The following PCNX1 variants were observed in gnomAD, a reference collection of about 807,000 sequenced individuals.
PCNX1 encodes pecanex 1.
Under a neutral mutation model 242.2 loss-of-function variants are expected in PCNX1, and 78 were observed. That is an observed-to-expected ratio of 0.32 (90% CI 0.27 to 0.39). The LOEUF (loss-of-function observed/expected upper bound fraction) is 0.39, where lower values mean the gene tolerates loss of function less well. Among genes scored for constraint, PCNX1 ranks in the 10% least tolerant of loss-of-function variants. The pLI, the probability that PCNX1 is intolerant of heterozygous loss-of-function variation, is 1.00. For synonymous variants in PCNX1, 1,024 were observed against 1,032.9 expected, an observed-to-expected ratio of 0.99 and a Z score of 0.17; for missense variants, 2,581 against 2,856.5, an observed-to-expected ratio of 0.90 and a Z score of 2.20.
intron 28 of PCNX1, among the ~76,000 whole-genome samples, chr14:71,081,511 G>T (rs1318078582): frequency 6.6e-6 from 1 of 152,088 alleles, no homozygotes; most frequent in Non-Finnish European, 1.5e-5. Context: ...GCTTTTTTTG[G>T]TTGGTAGGCT....
chr14:71,028,310 T>G (rs1017509870), intron 15 of PCNX1, among the ~76,000 whole-genome samples: 2 of 152,014 alleles, frequency 1.3e-5, no homozygotes, highest in African/African-American at 4.8e-5. Flanking sequence ...CAGGTTCTGT[T>G]TACATAGATA....
intron 2 of PCNX1, among the ~76,000 whole-genome samples, chr14:70,957,268 A>G (rs35141578): frequency 0.028 from 4,320 of 152,234 alleles, 101 homozygotes; most frequent in Non-Finnish European, 0.04. Context: ...GATTACAGGC[A>G]TGAACCACAC....
chr14:70,991,198 A>G (rs2059153562), intron 7 of PCNX1, among the ~76,000 whole-genome samples: 1 of 143,502 alleles, frequency 7.0e-6, no homozygotes, highest in South Asian at 2.2e-4. Flanking sequence ...GATGTTGTGT[A>G]CTACCTTTTT....
chr14:71,023,327 G>C, intron 13 of PCNX1, 95 bp downstream of exon 13: 1 of 876,726 alleles, frequency 1.1e-6, no homozygotes. Flanking sequence ...TGTTTGGAAT[G>C]CATCAGCCTG....
At chr14:70,984,315 A>G (rs369552688) in intron 6 of PCNX1, among the ~76,000 whole-genome samples, 13 of 151,630 alleles carry the variant, frequency 8.6e-5, no homozygotes, top group African/African-American at 2.9e-4. Flanking sequence ...GATGCCAACC[A>G]TAGCAGTACA....
chr14:71,013,754 C>T (rs2059886608), intron 11 of PCNX1, among the ~76,000 whole-genome samples: 1 of 152,146 alleles, frequency 6.6e-6, no homozygotes, highest in Admixed American at 6.5e-5. Context: ...GAGATGACAA[C>T]AAATAACATG....
intron 30 of PCNX1, among the ~76,000 whole-genome samples, chr14:71,099,047 C>T (rs2141788805): frequency 6.6e-6 from 1 of 152,238 alleles, no homozygotes; most frequent in Non-Finnish European, 1.5e-5. Context: ...AAAAGTCATT[C>T]ACAAGAAAGT....
chr14:71,031,785 G>A (rs2140927714), intron 16 of PCNX1: 1 of 1,458,132 alleles, frequency 6.9e-7, no homozygotes, highest in East Asian at 2.3e-5. Context: ...CTTCCTACCA[G>A]TGCAGGGAGC....
At chr14:70,974,263 A>ATTTTT (rs2058628778) in intron 5 of PCNX1, among the ~76,000 whole-genome samples, 1 of 102,638 alleles carries the variant, frequency 9.7e-6, no homozygotes, top group African/African-American at 3.9e-5. Flanking sequence ...TTTTTTTTTG[A>ATTTTT]GAGGGAGTCT....
intron 24 of PCNX1, among the ~76,000 whole-genome samples, chr14:71,052,215 T>A (rs2061055980): frequency 6.6e-6 from 1 of 151,426 alleles, no homozygotes; most frequent in Non-Finnish European, 1.5e-5. Context: ...TTTCTTTCTT[T>A]CCTTTTTTTT....
chr14:70,935,311 T>C (rs911012060), intron 1 of PCNX1, among the ~76,000 whole-genome samples: 2 of 152,050 alleles, frequency 1.3e-5, no homozygotes, highest in African/African-American at 2.4e-5. Flanking sequence ...CTTTGCAAGG[T>C]TGAGGTGGGA....
At chr14:71,000,018 A>G (rs1355731061) in intron 8 of PCNX1, among the ~76,000 whole-genome samples, 5 of 152,198 alleles carry the variant, frequency 3.3e-5, no homozygotes, top group African/African-American at 1.2e-4. Context: ...AAAAAGTTAC[A>G]TCCTTTTGCA....
At chr14:70,973,343 C>T (rs537386800) in intron 5 of PCNX1, among the ~76,000 whole-genome samples, 6 of 151,616 alleles carry the variant, frequency 4.0e-5, no homozygotes, top group African/African-American at 1.5e-4. Context: ...TGAGTAGGAA[C>T]AACTAGTGAG....
intron 2 of PCNX1, among the ~76,000 whole-genome samples, chr14:70,951,936 GC>G (rs2057797715): frequency 1.3e-5 from 2 of 151,664 alleles, no homozygotes. Flanking sequence ...CATTTCCTAC[GC>G]CTATTCTATT....
At chr14:70,908,061 T>C (rs2055642899) in intron 1 of PCNX1, 58 bp downstream of exon 1, 2 of 1,481,214 alleles carry the variant, frequency 1.4e-6, no homozygotes, top group Non-Finnish European at 9.0e-7. Flanking sequence ...GGGGAGATGC[T>C]GGGGTCGCGC....
At chr14:71,096,944 G>T (rs10150408) in intron 30 of PCNX1, among the ~76,000 whole-genome samples, 3 of 151,880 alleles carry the variant, frequency 2.0e-5, no homozygotes, top group Admixed American at 6.5e-5. Flanking sequence ...AAGTTATGCT[G>T]TATACTTCCT....
intron 7 of PCNX1, among the ~76,000 whole-genome samples, chr14:70,994,396 G>GATATACATATATAT (rs1555357280): frequency 1.0e-5 from 1 of 96,972 alleles, no homozygotes; most frequent in Non-Finnish European, 2.2e-5. Flanking sequence ...ACAGGCTTAA[G>GATATACATATATAT]ATATATATAT....
At chr14:70,914,368 T>C (rs1357947481) in intron 1 of PCNX1, among the ~76,000 whole-genome samples, 1 of 152,210 alleles carries the variant, frequency 6.6e-6, no homozygotes, top group Non-Finnish European at 1.5e-5. Flanking sequence ...AGCAGCCATA[T>C]TTGTCAATTT....
At position 71,046,914 on chromosome 14, in the gene PCNX1, C is replaced by A. The variant is rs374496384; in HGVS notation, c.4019-50C>A. ...AAATTTTTCTTTCTCATCACATTGA[C>A]AAACTATACATTTGATGACATGTAG... On this transcript the variant is annotated intron_variant, in intron 20 of 35. Coordinates refer to ENST00000304743, the MANE Select transcript of PCNX1 (RefSeq NM_014982.3). 1.9e-5 allele frequency: 28 copies of A among 1,448,490 alleles called. No individual in the cohort carries two copies. The African/African-American group carries it at 3.6e-4, about 19-fold the overall frequency. The allele number at this position is 1,448,490 out of a possible 1,614,324, so 89.7% of individuals were successfully genotyped here.
Sources: allele counts gnomAD v4.1 joint callset (sites outside exome capture counted in the v4.1 genomes callset), GRCh38; gene constraint gnomAD v4.1.1; transcripts MANE v1.5; gene names NCBI Gene and HGNC (gene_info 2026-07-23, HGNC 2026-07-21).